ABCA1: variants seen among roughly 807,000 people sequenced by gnomAD.
ABCA1 encodes phospholipid-transporting ATPase ABCA1.
ABCA1 carries 133 observed loss-of-function variants against 262.5 expected under a neutral mutation model. The observed-to-expected ratio is 0.51, with a 90% confidence interval of 0.44 to 0.59. The LOEUF (loss-of-function observed/expected upper bound fraction) is 0.59. ABCA1 is among the 20% of genes least tolerant of loss of function. The pLI, the probability that ABCA1 is intolerant of heterozygous loss-of-function variation, is 0.00. For missense variants in ABCA1, 2,452 were observed against 2,777.5 expected (o/e 0.88, Z 2.63); for synonymous variants, 1,022 against 1,043.5 (o/e 0.98, Z 0.40).
intron 7 of ABCA1, among the ~76,000 whole-genome samples, chr9:104,852,543 T>C (rs1835462477): frequency 6.6e-6 from 1 of 152,176 alleles, no homozygotes; most frequent in South Asian, 2.1e-4. Context: ...GCAACAATAT[T>C]TAATGAAGAA....
intron 9 of ABCA1, among the ~76,000 whole-genome samples, chr9:104,838,967 C>T (rs927121918): frequency 6.6e-6 from 1 of 151,908 alleles, no homozygotes; most frequent in Non-Finnish European, 1.5e-5. Context: ...AAGCAACTTG[C>T]GAATGTCTGG....
chr9:104,861,842 CAAAA>C (rs34203904), intron 5 of ABCA1, 42 bp from the exon 6 acceptor site: 51 of 1,343,584 alleles, frequency 3.8e-5, no homozygotes, highest in Admixed American at 8.8e-5. Flanking sequence ...GTAAGTAACT[CAAAA>C]AAAAAAAAAA....
chr9:104,839,260 G>A (rs2472386), intron 9 of ABCA1, among the ~76,000 whole-genome samples: 71,582 of 151,956 alleles, frequency 0.47, 19,340 homozygotes, highest in East Asian at 0.79. Context: ...GGAAACAAAG[G>A]GCAGATCAAA....
rs186323343 is a variant in ABCA1 at position 104,797,711 on chromosome 9, G to A, written c.5121+710C>T. Among the ~76,000 whole-genome samples, 158 of 152,270 alleles carry A rather than the reference G, an allele frequency of 1.0e-3. 1 individual carries two copies. Among genetic ancestry groups the A allele is most frequent in the Non-Finnish European group, 2.4e-4 (16 of 68,030 alleles). ...ATTGCTCACATTTGTACAGTGCTTCGGAGGTTACAAGGTGTATTCTCATAT... is the reference window on the plus strand; with the variant it reads ...ATTGCTCACATTTGTACAGTGCTTCAGAGGTTACAAGGTGTATTCTCATAT... On this transcript the variant is annotated intron_variant, in intron 37 of 49. Coordinates refer to ENST00000374736, the MANE Select transcript of ABCA1 (RefSeq NM_005502.4).
Position 104,832,571 on chromosome 9 carries a change from C to G in ABCA1, c.1509+3G>C. 2 of 1,614,154 alleles carry G rather than the reference C, an allele frequency of 1.2e-6. No homozygotes were observed. The highest frequency in any genetic ancestry group is 1.7e-6 in the Non-Finnish European group (2 of 1,180,016). ...TTCTAAATGATCCCAGCAACAGATT[C>G]ACCTCCATGAAGCGAGATATGGTCC... On this transcript the variant is annotated splice_donor_region_variant and intron_variant, in intron 12 of 49. Transcript: ENST00000374736.
rs13306073 is a variant in ABCA1 at position 104,818,839 on chromosome 9, C to T, written c.3286G>A (p.Val1096Ile). ...ATGATGGCAATCCTGTCCCCCAGGA[C>T]GTCCGCTTCATCCATGTGGTGTGTA... ...LSTHHMDEAD[V>I]LGDRIAIISH... Residue 1096 changes from valine to isoleucine, a missense_variant, in exon 23 of 50, where the codon GTC becomes ATC. Transcript: ENST00000374736. 5.1e-5 allele frequency: 83 copies of T among 1,613,914 alleles called. No homozygotes were observed. In the East Asian group the frequency reaches 1.1e-3, roughly 21 times the overall value.
At chr9:104,869,744 C>T (rs1837435171) in intron 5 of ABCA1, among the ~76,000 whole-genome samples, 1 of 152,110 alleles carries the variant, frequency 6.6e-6, no homozygotes, top group African/African-American at 2.4e-5. Context: ...CTGGGCTTTC[C>T]AACCCAGGAG....
rs1833043792 is a variant in ABCA1, at chr9:104,829,149, C to T, written c.1893-11G>A. On this transcript the variant is annotated splice_polypyrimidine_tract_variant and intron_variant, in intron 14 of 49. Coordinates refer to ENST00000374736, the MANE Select transcript of ABCA1 (RefSeq NM_005502.4). ...ATCACCCGCAGAAAGCTGGAGGCCC[C>T]AAGGAAGGACAAGGGGAGAAAGAAA... 1 of 1,613,822 alleles carries T rather than the reference C, an allele frequency of 6.2e-7. No individual in the cohort carries two copies. The highest frequency in any genetic ancestry group is 2.2e-5 in the East Asian group (1 of 44,874).
At chr9:104,882,049 A>C (rs1216178628) in intron 5 of ABCA1, among the ~76,000 whole-genome samples, 2 of 147,198 alleles carry the variant, frequency 1.4e-5, no homozygotes, top group African/African-American at 4.9e-5. Flanking sequence ...AAAAAAAAAA[A>C]AAAAAAAACT....
intron 36 of ABCA1, 103 bp from the exon 37 acceptor site, chr9:104,798,701 C>T: frequency 1.0e-6 from 1 of 981,896 alleles, no homozygotes; most frequent in Non-Finnish European, 1.6e-6. Context: ...TACACACACA[C>T]AGAGATATCT....
intron 6 of ABCA1, among the ~76,000 whole-genome samples, chr9:104,860,199 C>CA (rs113988307): frequency 2.0e-5 from 3 of 151,810 alleles, no homozygotes; most frequent in East Asian, 1.9e-4. Flanking sequence ...CTTGTATGCT[C>CA]AAAAAAAAGA....
chr9:104,838,098 G>T (rs1245676156), intron 9 of ABCA1, among the ~76,000 whole-genome samples: 3 of 152,062 alleles, frequency 2.0e-5, no homozygotes, highest in Non-Finnish European at 2.9e-5. Flanking sequence ...GGCCAAGGCG[G>T]GCGAACCACC....
At chr9:104,846,729 G>C (rs796400355) in intron 7 of ABCA1, among the ~76,000 whole-genome samples, 1 of 152,122 alleles carries the variant, frequency 6.6e-6, no homozygotes, top group African/African-American at 2.4e-5. Flanking sequence ...TTCTGGAACG[G>C]GTTCTTCACC....
At chr9:104,811,311 A>G (rs1831260031) in intron 28 of ABCA1, among the ~76,000 whole-genome samples, 1 of 152,196 alleles carries the variant, frequency 6.6e-6, no homozygotes, top group African/African-American at 2.4e-5. Context: ...GAAGTCCTGA[A>G]TCCTGGTTCT....
intron 2 of ABCA1, among the ~76,000 whole-genome samples, chr9:104,893,828 C>A (rs1357921523): frequency 6.6e-6 from 1 of 152,092 alleles, no homozygotes; most frequent in Non-Finnish European, 1.5e-5. Flanking sequence ...TAGGAAATGG[C>A]CCCACTAGGT....
chr9:104,851,616 A>G (rs1835386989), intron 7 of ABCA1, among the ~76,000 whole-genome samples: 1 of 152,160 alleles, frequency 6.6e-6, no homozygotes, highest in South Asian at 2.1e-4. Context: ...CTGACTGGAA[A>G]GACTGCAGTA....
intron 8 of ABCA1, among the ~76,000 whole-genome samples, chr9:104,842,078 G>A (rs917070843): frequency 6.6e-5 from 10 of 152,284 alleles, no homozygotes; most frequent in African/African-American, 2.4e-4. Context: ...CAGCCTGCTG[G>A]TTCCTGTGAG....
intron 3 of ABCA1, among the ~76,000 whole-genome samples, chr9:104,886,443 TAC>T (rs2118303554): frequency 6.6e-6 from 1 of 152,320 alleles, no homozygotes; most frequent in African/African-American, 2.4e-5. Flanking sequence ...ATTGAACATT[TAC>T]ACAGTTAATC....
chr9:104,801,969 G>T, intron 34 of ABCA1, 85 bp downstream of exon 34: 1 of 1,221,948 alleles, frequency 8.2e-7, no homozygotes, highest in Non-Finnish European at 1.2e-6. Context: ...GAGCTGCCAG[G>T]TGATCCGTTT....
Sources: allele counts gnomAD v4.1 joint callset (sites outside exome capture counted in the v4.1 genomes callset), GRCh38; gene constraint gnomAD v4.1.1; transcripts MANE v1.5; gene names NCBI Gene and HGNC (gene_info 2026-07-23, HGNC 2026-07-21).